JAZF1: variants seen among roughly 807,000 people sequenced by gnomAD.
The protein encoded by JAZF1 is JAZF zinc finger 1, also known as juxtaposed with another zinc finger protein 1.
A neutral mutation model predicts 26.4 loss-of-function variants in JAZF1; 8 were observed. That is an observed-to-expected ratio of 0.30 (90% CI 0.18 to 0.55). JAZF1 has a LOEUF of 0.55. JAZF1 is among the 20% of genes least tolerant of loss of function. JAZF1 has a pLI of 0.94. For missense variants in JAZF1, 199 were observed against 322.0 expected, an observed-to-expected ratio of 0.62 and a Z score of 2.92; for synonymous variants, 126 against 122.3, an observed-to-expected ratio of 1.03 and a Z score of -0.20.
At chr7:28,041,401 TTTTTTAAAAGG>T (rs1360970737) in intron 1 of JAZF1, among the ~76,000 whole-genome samples, 2 of 150,998 alleles carry the variant, frequency 1.3e-5, no homozygotes, top group African/African-American at 4.9e-5. Flanking sequence ...GTATAAGCTA[TTTTTTAAAAGG>T]TGACATTTTT....
intron 2 of JAZF1, among the ~76,000 whole-genome samples, chr7:27,902,687 G>A (rs533122386): frequency 2.6e-5 from 4 of 152,284 alleles, no homozygotes; most frequent in East Asian, 3.9e-4. Flanking sequence ...CTGACACTTC[G>A]TGCTTAACAA....
chr7:28,146,853 G>GT lies in JAZF1; in HGVS notation c.115+33609_115+33610insA, dbSNP rs1460871216. On this transcript the variant is annotated intron_variant, in intron 1 of 4. Transcript: ENST00000283928. ...TTTGCTTTTTTTGTTTCGTTTTGGT[G>GT]GTTTTTTTTTGTTTTTTTTTTTTGA... Among the ~76,000 whole-genome samples the GT allele has an allele frequency of 2.4e-3, 338 of 139,936 alleles. 6 individuals are homozygous for GT. The highest frequency in any genetic ancestry group is 3.7e-3 in the Middle Eastern group (1 of 272). 91.8% of individuals were successfully genotyped at this position (139,936 alleles called of 152,430 possible).
At chr7:28,167,691 T>G (rs1783390539) in intron 1 of JAZF1, among the ~76,000 whole-genome samples, 1 of 152,210 alleles carries the variant, frequency 6.6e-6, no homozygotes, top group African/African-American at 2.4e-5. Context: ...GTTTCAGTGG[T>G]CCTGCTTTTT....
chr7:28,040,352 T>C (rs1308358822), intron 1 of JAZF1, among the ~76,000 whole-genome samples: 1 of 152,130 alleles, frequency 6.6e-6, no homozygotes, highest in African/African-American at 2.4e-5. Context: ...GTTTACAATC[T>C]AGATGGGAAA....
rs555180997 is a variant in JAZF1 at position 28,168,375 on chromosome 7, C to T, written c.115+12088G>A. 4.2e-5 allele frequency among the ~76,000 whole-genome samples: 5 copies of T among 118,894 alleles called. No individual in the cohort carries two copies. The South Asian group carries it at 8.6e-4, about 20-fold the overall frequency. 78.0% of individuals were successfully genotyped at this position (118,894 alleles called of 152,430 possible). ...CAGCCTGGGTGACAGAGCGAGACTC[C>T]GTCTCAAAAAAAAAAAAAAAAAAAA... On this transcript the variant is annotated intron_variant, in intron 1 of 4. Coordinates refer to ENST00000283928, the MANE Select transcript of JAZF1 (RefSeq NM_175061.4).
chr7:27,912,229 C>T (rs1475409813), intron 2 of JAZF1, among the ~76,000 whole-genome samples: 2 of 152,176 alleles, frequency 1.3e-5, no homozygotes, highest in African/African-American at 4.8e-5. Flanking sequence ...GGGTACTTTA[C>T]AATAATTTTC....
intron 3 of JAZF1, among the ~76,000 whole-genome samples, chr7:27,855,643 CCCTT>C (rs1365041872): frequency 6.6e-6 from 1 of 152,162 alleles, no homozygotes; most frequent in Non-Finnish European, 1.5e-5. Flanking sequence ...GACACATACA[CCCTT>C]CCAAGACTAA....
chr7:28,126,805 GA>G (rs2127940150), intron 1 of JAZF1, among the ~76,000 whole-genome samples: 1 of 152,240 alleles, frequency 6.6e-6, no homozygotes, highest in African/African-American at 2.4e-5. Context: ...GGGGAGGAGT[GA>G]AAACAAGAAG....
chr7:27,926,227 T>G (rs940714259), intron 2 of JAZF1, among the ~76,000 whole-genome samples: 2 of 152,144 alleles, frequency 1.3e-5, no homozygotes, highest in African/African-American at 4.8e-5. Context: ...AGAGTACAAT[T>G]ATGAAACAAA....
At chr7:27,971,260 A>G (rs1461908319) in intron 2 of JAZF1, among the ~76,000 whole-genome samples, 1 of 152,156 alleles carries the variant, frequency 6.6e-6, no homozygotes, top group Non-Finnish European at 1.5e-5. Flanking sequence ...TCAAAGTGCT[A>G]TTGCTGGAGA....
At chr7:27,986,658 C>T (rs1785718487) in intron 2 of JAZF1, among the ~76,000 whole-genome samples, 1 of 97,352 alleles carries the variant, frequency 1.0e-5, no homozygotes, top group Non-Finnish European at 2.2e-5. Context: ...CCTCTCCCTC[C>T]CTCTCCCTCT....
intron 2 of JAZF1, among the ~76,000 whole-genome samples, chr7:27,898,468 C>T (rs889191004): frequency 6.6e-6 from 1 of 151,798 alleles, no homozygotes; most frequent in Non-Finnish European, 1.5e-5. Flanking sequence ...CCATGCCCAG[C>T]TAATTTTTGT....
chr7:28,065,505 C>A (rs973558838), intron 1 of JAZF1, among the ~76,000 whole-genome samples: 7 of 152,162 alleles, frequency 4.6e-5, no homozygotes, highest in Non-Finnish European at 1.0e-4. Context: ...TTTCACAGAC[C>A]TTCTCCTGCC....
intron 2 of JAZF1, among the ~76,000 whole-genome samples, chr7:27,897,160 G>C (rs1784082141): frequency 6.6e-6 from 1 of 152,158 alleles, no homozygotes; most frequent in East Asian, 1.9e-4. Flanking sequence ...CAGTGCGCCA[G>C]GGAGTGGCAA....
At chr7:28,035,134 T>A (rs1300404372) in intron 1 of JAZF1, among the ~76,000 whole-genome samples, 1 of 151,466 alleles carries the variant, frequency 6.6e-6, no homozygotes, top group Non-Finnish European at 1.5e-5. Context: ...CTGGCCGACA[T>A]GGTGAAACCT....
chr7:27,993,331 C>A (rs868187422), intron 1 of JAZF1, among the ~76,000 whole-genome samples: 1 of 152,132 alleles, frequency 6.6e-6, no homozygotes, highest in Non-Finnish European at 1.5e-5. Context: ...AGTAGCTCTG[C>A]GCTTCCTCAG....
At chr7:27,868,275 G>A (rs12700847) in intron 3 of JAZF1, among the ~76,000 whole-genome samples, 24,706 of 152,172 alleles carry the variant, frequency 0.16, 2,263 homozygotes, top group Middle Eastern at 0.24. Context: ...AACTCCAGGA[G>A]CAGCGGGGTT....
intron 3 of JAZF1, among the ~76,000 whole-genome samples, chr7:27,887,675 CA>C (rs1331226048): frequency 1.3e-5 from 2 of 152,292 alleles, no homozygotes; most frequent in African/African-American, 4.8e-5. Flanking sequence ...CTTGGACTCC[CA>C]AAGTGCTGGG....
chr7:27,997,591 G>A (rs1786042640), intron 1 of JAZF1, among the ~76,000 whole-genome samples: 1 of 152,166 alleles, frequency 6.6e-6, no homozygotes, highest in African/African-American at 2.4e-5. Flanking sequence ...AAGAGTCAAA[G>A]TCTTGCTCTA....
Sources: allele counts gnomAD v4.1 joint callset (sites outside exome capture counted in the v4.1 genomes callset), GRCh38; gene constraint gnomAD v4.1.1; transcripts MANE v1.5; gene names NCBI Gene and HGNC (gene_info 2026-07-23, HGNC 2026-07-21).